Variants in TNRC18 observed in about 807,000 individuals in gnomAD.
TNRC18 encodes trinucleotide repeat containing 18.
In TNRC18, 69 loss-of-function variants were observed where a neutral mutation model predicts 226.7. The observed-to-expected ratio is 0.30, with a 90% CI of 0.25 to 0.37. The LOEUF is 0.37. Among genes scored for constraint, TNRC18 ranks in the 10% least tolerant of loss-of-function variants. The probability of loss-of-function intolerance (pLI) is 1.00; values close to 1 mark genes in which losing one functional copy is unlikely to be tolerated. For synonymous variants in TNRC18, 2,449 were observed against 1,927.6 expected (o/e 1.27, Z -7.09); for missense variants, 4,754 against 4,256.6 (o/e 1.12, Z -3.25).
At chr7:5,399,601 G>C (rs1355548335) in intron 2 of TNRC18, among the ~76,000 whole-genome samples, 2 of 152,100 alleles carry the variant, frequency 1.3e-5, no homozygotes, top group Non-Finnish European at 2.9e-5. Context: ...AGCTACTCAG[G>C]AGGCTGAGGC....
intron 10 of TNRC18, among the ~76,000 whole-genome samples, chr7:5,371,897 C>T (rs895817972): frequency 6.6e-6 from 1 of 152,032 alleles, no homozygotes; most frequent in African/African-American, 2.4e-5. Context: ...AGAGTGAGAC[C>T]CCATTTCCTT....
intron 17 of TNRC18, among the ~76,000 whole-genome samples, chr7:5,350,055 G>A (rs1024883017): frequency 4.6e-5 from 7 of 152,190 alleles, no homozygotes; most frequent in African/African-American, 1.7e-4. Flanking sequence ...TGGGGCAGGA[G>A]GGCTCAAAAA....
At chr7:5,375,175 A>G (rs1794534310) in intron 9 of TNRC18, among the ~76,000 whole-genome samples, 1 of 152,152 alleles carries the variant, frequency 6.6e-6, no homozygotes, top group Admixed American at 6.5e-5. Flanking sequence ...CGTGCATGAC[A>G]GCATGTGCCT....
intron 11 of TNRC18, 101 bp from the exon 12 acceptor site, chr7:5,362,926 G>T: frequency 8.0e-7 from 1 of 1,249,516 alleles, no homozygotes; most frequent in Non-Finnish European, 1.1e-6. Flanking sequence ...CAGGCCACAC[G>T]TGCCCATCCC....
intron 2 of TNRC18, among the ~76,000 whole-genome samples, chr7:5,397,406 G>A (rs1442238449): frequency 2.0e-5 from 3 of 152,194 alleles, no homozygotes; most frequent in Non-Finnish European, 4.4e-5. Context: ...ACCCAGGCCC[G>A]GATGCCAGCC....
chr7:5,312,428 C>T lies in TNRC18; in HGVS notation c.8388+75G>A. The T allele has an allele frequency of 6.5e-7, 1 of 1,544,572 alleles. No homozygotes were observed. The highest frequency in any genetic ancestry group is 8.7e-7 in the Non-Finnish European group (1 of 1,151,750). ...GAGGTTACCACACACGGAGACACAG[C>T]ATGAAGCCGTGGGCCCAGCAGAGAG... is the stretch of plus-strand genomic sequence containing the variant. On this transcript the variant is annotated intron_variant, in intron 27 of 29. Coordinates refer to ENST00000430969, the MANE Select transcript of TNRC18 (RefSeq NM_001080495.3). This position sits in a 1 kb window ranked among gnomAD's most constrained non-coding sequence, Gnocchi z 6.3.
chr7:5,313,324 C>A lies in TNRC18; in HGVS notation c.7567G>T (p.Gly2523Trp), dbSNP rs536793379. The A allele has an allele frequency of 1.2e-5, 18 of 1,550,924 alleles. No homozygotes were observed. Among genetic ancestry groups the A allele is most frequent in the Non-Finnish European group, 1.5e-5 (17 of 1,148,124 alleles). ...PKAPWPKATD[G>W]DLAQEPGPGL... is the part of the protein sequence containing the mutation. Reference sequence around the variant, plus strand: ...GGCCCGGGCTCCTGGGCGAGGTCCCCGTCGGTGGCCTTGGGCCAGGGTGCC... The same window carrying A: ...GGCCCGGGCTCCTGGGCGAGGTCCCAGTCGGTGGCCTTGGGCCAGGGTGCC... The change falls in exon 27 of 30, where the codon GGG (glycine) becomes TGG (tryptophan). Residue 2523 changes from glycine (G) to tryptophan (W), a missense_variant. Physicochemically the swap from Gly to Trp is radical, Grantham distance 184. Transcript: ENST00000430969.
At chr7:5,391,316 ATTTT>A (rs374504335) in intron 3 of TNRC18, among the ~76,000 whole-genome samples, 1 of 144,850 alleles carries the variant, frequency 6.9e-6, no homozygotes, top group South Asian at 2.2e-4. Context: ...AACTATTCAG[ATTTT>A]TTTTTTTTTG....
At chr7:5,419,548 C>CA (rs1214442758) in intron 2 of TNRC18, among the ~76,000 whole-genome samples, 1 of 151,822 alleles carries the variant, frequency 6.6e-6, no homozygotes, top group African/African-American at 2.4e-5. Context: ...GGGCCGCCCC[C>CA]CAAGTTCTTC....
chr7:5,360,352 C>A (rs956880754), intron 14 of TNRC18, among the ~76,000 whole-genome samples: 8 of 152,072 alleles, frequency 5.3e-5, no homozygotes. Context: ...ACCTCAGCCT[C>A]CCAAATAGCT....
chr7:5,389,461 G>GTTTTTTTTTTTGTTTTTTT lies in TNRC18; in HGVS notation c.488-126_488-125insAAAAAAACAAAAAAAAAAA, dbSNP rs754143983. 4.6e-5 allele frequency: 26 copies of GTTTTTTTTTTTGTTTTTTT among 565,544 alleles called. 1 individual carries two copies. In the African/African-American group the frequency reaches 6.5e-4, roughly 14 times the overall value. The allele number at this position is 565,544 out of a possible 1,614,324, so 35.0% of individuals were successfully genotyped here. A position where few individuals can be genotyped will look rare whatever the true frequency, so the allele number is the denominator to read the frequency against. On this transcript the variant is annotated intron_variant, in intron 4 of 29. Coordinates refer to ENST00000430969, the MANE Select transcript of TNRC18 (RefSeq NM_001080495.3). ...TGCCTCCCCCAGTGTTTTGGTTTTG[G>GTTTTTTTTTTTGTTTTTTT]TTTTTTTTTTCAGAAAGAGTCTCGC...
intron 18 of TNRC18, among the ~76,000 whole-genome samples, chr7:5,335,092 A>T (rs1365388261): frequency 1.3e-5 from 2 of 151,276 alleles, no homozygotes; most frequent in East Asian, 3.9e-4. Context: ...ACCTGAGGTC[A>T]GGAGTTCAAG....
At chr7:5,310,636 G>C (rs1316937561) in intron 27 of TNRC18, among the ~76,000 whole-genome samples, 1 of 152,216 alleles carries the variant, frequency 6.6e-6, no homozygotes, top group African/African-American at 2.4e-5. Context: ...CCAAGCTTAA[G>C]TGATCCTCCC....
intron 11 of TNRC18, 82 bp from the exon 12 acceptor site, chr7:5,362,907 C>A: frequency 7.2e-7 from 1 of 1,394,952 alleles, no homozygotes; most frequent in South Asian, 1.5e-5. Flanking sequence ...CCAAAGCAAG[C>A]GCAGGCCCCA....
rs558980631 is a variant in TNRC18 at position 5,383,056 on chromosome 7, G to A, written c.2152+4616C>T. Among the ~76,000 whole-genome samples, 5 of 149,610 alleles carry A rather than the reference G, an allele frequency of 3.3e-5. No homozygotes were observed. In the South Asian group the frequency reaches 1.0e-3, roughly 31 times the overall value. The stretch of plus-strand genomic sequence containing the variant: ...CTATAGATGCCACACCACTATGCTC[G>A]GATGATTTATTTTTATTTTTATTTT... On this transcript the variant is annotated intron_variant, in intron 5 of 29. Transcript: ENST00000430969.
intron 21 of TNRC18, among the ~76,000 whole-genome samples, chr7:5,322,736 T>G (rs983374022): frequency 6.6e-5 from 10 of 152,220 alleles, no homozygotes; most frequent in African/African-American, 2.4e-4. Flanking sequence ...GGGCCTGCCC[T>G]TCCTCCTCAG....
chr7:5,413,197 G>C (rs1004615102), intron 2 of TNRC18, among the ~76,000 whole-genome samples: 7 of 152,182 alleles, frequency 4.6e-5, no homozygotes, highest in African/African-American at 7.2e-5. Flanking sequence ...TACAGTACAT[G>C]AGAGGGTGGG....
intron 18 of TNRC18, among the ~76,000 whole-genome samples, chr7:5,333,670 C>G (rs1028820169): frequency 1.3e-5 from 2 of 152,140 alleles, no homozygotes; most frequent in African/African-American, 4.8e-5. Flanking sequence ...GCACAGCCAC[C>G]CAGCACTCGC....
chr7:5,319,214 C>A (rs1788111844), intron 24 of TNRC18, among the ~76,000 whole-genome samples: 1 of 152,170 alleles, frequency 6.6e-6, no homozygotes. Flanking sequence ...GTCTTCCTGG[C>A]CTGAGATCCT....
Sources: allele counts gnomAD v4.1 joint callset (sites outside exome capture counted in the v4.1 genomes callset), GRCh38; gene constraint gnomAD v4.1.1; non-coding constraint Gnocchi (gnomAD v3.1); transcripts MANE v1.5; gene names NCBI Gene and HGNC (gene_info 2026-07-23, HGNC 2026-07-21).